Variants in ZCCHC17 observed in about 807,000 individuals in gnomAD.
ZCCHC17 encodes the protein zinc finger CCHC-type containing 17.
Under a neutral mutation model 30.6 loss-of-function variants are expected in ZCCHC17, and 18 were observed. The observed-to-expected ratio is 0.59, with a 90% CI of 0.41 to 0.87. ZCCHC17 has a LOEUF of 0.87. Ranked by LOEUF, ZCCHC17 falls within the 40% of genes least tolerant of loss-of-function variation. The probability of loss-of-function intolerance (pLI) is 0.00; values close to 1 mark genes in which losing one functional copy is unlikely to be tolerated. For synonymous variants in ZCCHC17, 88 were observed against 92.4 expected, an observed-to-expected ratio of 0.95 and a Z score of 0.27; for missense variants, 263 against 284.2, an observed-to-expected ratio of 0.93 and a Z score of 0.54.
intron 1 of ZCCHC17, among the ~76,000 whole-genome samples, chr1:31,304,726 G>C (rs1191104117): frequency 2.6e-5 from 4 of 152,020 alleles, no homozygotes; most frequent in African/African-American, 7.3e-5. Context: ...CTGCCGAGTA[G>C]CTGGGATTAC....
At chr1:31,341,194 T>C (rs752002977) in intron 5 of ZCCHC17, among the ~76,000 whole-genome samples, 1 of 152,250 alleles carries the variant, frequency 6.6e-6, no homozygotes, top group Non-Finnish European at 1.5e-5. Flanking sequence ...GTTTAGTCTC[T>C]AAATATTAAC....
At chr1:31,330,573 G>A (rs1040345370) in intron 3 of ZCCHC17, among the ~76,000 whole-genome samples, 1 of 152,158 alleles carries the variant, frequency 6.6e-6, no homozygotes, top group Non-Finnish European at 1.5e-5. Flanking sequence ...TTGTAGGTAA[G>A]TTCATCTTTC....
chr1:31,317,087 G>A (rs955494710), intron 2 of ZCCHC17, among the ~76,000 whole-genome samples: 3 of 145,638 alleles, frequency 2.1e-5, no homozygotes, highest in South Asian at 2.1e-4. Flanking sequence ...GTACAATGGC[G>A]CCATCTTGGC....
intron 7 of ZCCHC17, among the ~76,000 whole-genome samples, chr1:31,358,827 T>C (rs1445298316): frequency 6.6e-6 from 1 of 152,020 alleles, no homozygotes; most frequent in East Asian, 1.9e-4. Flanking sequence ...ATATATAAAT[T>C]TGGGAGTCAT....
At chr1:31,339,234 G>A (rs1189421794) in intron 5 of ZCCHC17, among the ~76,000 whole-genome samples, 186 bp downstream of exon 5, 1 of 152,202 alleles carries the variant, frequency 6.6e-6, no homozygotes, top group African/African-American at 2.4e-5. Context: ...GGTGGCTCAC[G>A]CCTGTAATCC....
chr1:31,318,853 TG>T (rs1646794943), intron 2 of ZCCHC17, among the ~76,000 whole-genome samples: 1 of 152,214 alleles, frequency 6.6e-6, no homozygotes, highest in Non-Finnish European at 1.5e-5. Flanking sequence ...GTATAGGATT[TG>T]GGTATTCCTC....
At chr1:31,348,788 C>T (rs1484866569) in intron 6 of ZCCHC17, 41 bp from the exon 7 acceptor site, 1 of 1,610,878 alleles carries the variant, frequency 6.2e-7, no homozygotes, top group Admixed American at 1.7e-5. Flanking sequence ...AGAAGAGAGA[C>T]TACTTCCTTT....
chr1:31,335,966 T>C (rs891880445), intron 3 of ZCCHC17, among the ~76,000 whole-genome samples: 5 of 152,250 alleles, frequency 3.3e-5, no homozygotes, highest in Non-Finnish European at 7.3e-5. Flanking sequence ...TTTGCCATGC[T>C]GTTTTCCAGT....
At chr1:31,340,478 C>G (rs1020545742) in intron 5 of ZCCHC17, among the ~76,000 whole-genome samples, 2 of 152,044 alleles carry the variant, frequency 1.3e-5, no homozygotes, top group African/African-American at 4.8e-5. Context: ...CCACCATGCC[C>G]GGCTAATTTT....
intron 7 of ZCCHC17, among the ~76,000 whole-genome samples, chr1:31,359,659 A>G (rs1019492433): frequency 6.6e-6 from 1 of 152,150 alleles, no homozygotes; most frequent in African/African-American, 2.4e-5. Flanking sequence ...TTTCAGAACT[A>G]TAGTGAAAAT....
At chr1:31,341,646 A>G (rs745432072) in intron 5 of ZCCHC17, among the ~76,000 whole-genome samples, 3 of 152,246 alleles carry the variant, frequency 2.0e-5, no homozygotes, top group Non-Finnish European at 4.4e-5. Flanking sequence ...TAGAGGATTT[A>G]GAGCTAGACT....
At chr1:31,323,316 ATTCT>A (rs1309491489) in intron 3 of ZCCHC17, among the ~76,000 whole-genome samples, 2 of 151,782 alleles carry the variant, frequency 1.3e-5, no homozygotes, top group African/African-American at 4.8e-5. Context: ...AAACCTCTGT[ATTCT>A]TTCTTTCTTT....
chr1:31,331,078 A>G (rs1325051250), intron 3 of ZCCHC17, among the ~76,000 whole-genome samples: 1 of 152,232 alleles, frequency 6.6e-6, no homozygotes, highest in African/African-American at 2.4e-5. Flanking sequence ...AATTCCAGGG[A>G]AAAGGGATTG....
chr1:31,353,576 A>G (rs1430902737), intron 7 of ZCCHC17, among the ~76,000 whole-genome samples: 1 of 152,182 alleles, frequency 6.6e-6, no homozygotes, highest in Non-Finnish European at 1.5e-5. Flanking sequence ...ATCCAATGTC[A>G]TGAAGCTTTT....
intron 4 of ZCCHC17, among the ~76,000 whole-genome samples, chr1:31,338,526 A>C (rs975450038): frequency 1.1e-4 from 17 of 152,314 alleles, no homozygotes; most frequent in Admixed American, 3.3e-4. Context: ...GGGAAGCAAA[A>C]GAAGACCAAT....
intron 4 of ZCCHC17, among the ~76,000 whole-genome samples, chr1:31,337,512 C>T (rs1314152622): frequency 6.6e-6 from 1 of 152,054 alleles, no homozygotes; most frequent in Non-Finnish European, 1.5e-5. Flanking sequence ...GTAAAACTTC[C>T]CTCCCTGAAG....
intron 1 of ZCCHC17, among the ~76,000 whole-genome samples, chr1:31,306,584 C>CT (rs1397408568): frequency 1.3e-5 from 2 of 152,178 alleles, no homozygotes; most frequent in Non-Finnish European, 2.9e-5. Context: ...CCGTGGTAGA[C>CT]TGTGAGTAAC....
chr1:31,328,544 A>G (rs1205291951), intron 3 of ZCCHC17, among the ~76,000 whole-genome samples: 3 of 132,292 alleles, frequency 2.3e-5, no homozygotes, highest in South Asian at 4.5e-4. Flanking sequence ...ATTAAACTTT[A>G]TCTTAGGTGT....
chr1:31,311,035 A>G (rs1285068604), intron 2 of ZCCHC17, among the ~76,000 whole-genome samples: 1 of 152,060 alleles, frequency 6.6e-6, no homozygotes, highest in African/African-American at 2.4e-5. Context: ...GCTCCTCTCC[A>G]GTCTGTTCTT....
Sources: allele counts gnomAD v4.1 joint callset (sites outside exome capture counted in the v4.1 genomes callset), GRCh38; gene constraint gnomAD v4.1.1; transcripts MANE v1.5; gene names NCBI Gene and HGNC (gene_info 2026-07-23, HGNC 2026-07-21).